The following SEMA3A variants were observed in gnomAD, a reference collection of about 807,000 sequenced individuals.
SEMA3A encodes semaphorin 3A.
A neutral mutation model predicts 97.9 loss-of-function variants in SEMA3A; 29 were observed. The observed-to-expected ratio is 0.30, with a 90% CI of 0.22 to 0.40. The LOEUF is 0.40. Among genes scored for constraint, SEMA3A ranks in the 10% least tolerant of loss-of-function variants. SEMA3A has a pLI of 1.00. For missense variants in SEMA3A, 763 were observed against 951.3 expected, an observed-to-expected ratio of 0.80 and a Z score of 2.60; for synonymous variants, 321 against 323.7, an observed-to-expected ratio of 0.99 and a Z score of 0.09.
chr7:84,475,773 C>G (rs1806266397), intron 1 of SEMA3A, among the ~76,000 whole-genome samples: 1 of 152,148 alleles, frequency 6.6e-6, no homozygotes, highest in Non-Finnish European at 1.5e-5. Context: ...CTTGTTTCTG[C>G]TTTCATCCCT....
rs565056283 is a variant in SEMA3A, at chr7:84,261,724, C to T, written c.-83+45483G>A. Among the ~76,000 whole-genome samples, 15 of 152,322 alleles carry T rather than the reference C, an allele frequency of 9.8e-5. No homozygotes were observed. In the East Asian group the frequency reaches 1.5e-3, roughly 16 times the overall value. On this transcript the variant is annotated intron_variant, in intron 3 of 3. Transcript: ENST00000424555. ...CACTCATGCACACCTTGCTGCTCTC[C>T]GCCTGGCTCGCCCTTGGCAGGCATG...
At chr7:84,014,162 G>A in intron 7 of SEMA3A, 47 bp downstream of exon 7, 2 of 1,560,696 alleles carry the variant, frequency 1.3e-6, no homozygotes, top group Non-Finnish European at 8.7e-7. Flanking sequence ...AAGCAAAGCT[G>A]TTATGGGAAA....
intron 3 of SEMA3A, among the ~76,000 whole-genome samples, chr7:84,230,817 C>T (rs1475192846): frequency 6.6e-6 from 1 of 151,618 alleles, no homozygotes; most frequent in African/African-American, 2.4e-5. Context: ...TTTTTAATGC[C>T]TTCTCTTTCT....
chr7:84,323,376 G>A (rs1801698178), intron 2 of SEMA3A, among the ~76,000 whole-genome samples: 3 of 152,020 alleles, frequency 2.0e-5, no homozygotes, highest in Middle Eastern at 6.8e-3. Context: ...CATGTTTTTT[G>A]TCACTAATCA....
intron 1 of SEMA3A, among the ~76,000 whole-genome samples, chr7:84,425,991 T>C (rs1160957856): frequency 1.3e-5 from 2 of 151,302 alleles, no homozygotes; most frequent in Non-Finnish European, 2.9e-5. Context: ...GAAAACTAAA[T>C]ACTGTAAATT....
chr7:84,244,627 A>G (rs577617925), intron 3 of SEMA3A, among the ~76,000 whole-genome samples: 1 of 152,236 alleles, frequency 6.6e-6, no homozygotes, highest in South Asian at 2.1e-4. Context: ...TAATCCTGTC[A>G]TCATTATGCT....
At chr7:84,471,083 G>T (rs1350903003) in intron 1 of SEMA3A, among the ~76,000 whole-genome samples, 2 of 152,022 alleles carry the variant, frequency 1.3e-5, no homozygotes. Context: ...AAAACTTTGA[G>T]GTTCATAACC....
At chr7:84,105,554 T>C (rs1397243287) in intron 4 of SEMA3A, among the ~76,000 whole-genome samples, 1 of 152,140 alleles carries the variant, frequency 6.6e-6, no homozygotes, top group Non-Finnish European at 1.5e-5. Flanking sequence ...ATGAGAGTAT[T>C]TATAGAGTTA....
chr7:84,006,564 A>G (rs1790678189), intron 10 of SEMA3A, among the ~76,000 whole-genome samples: 2 of 152,048 alleles, frequency 1.3e-5, no homozygotes, highest in South Asian at 4.1e-4. Context: ...TACAACAAAA[A>G]TGACAAATTA....
chr7:84,313,065 T>C (rs1314366780), intron 2 of SEMA3A, among the ~76,000 whole-genome samples: 2 of 144,618 alleles, frequency 1.4e-5, no homozygotes, highest in Admixed American at 1.4e-4. Flanking sequence ...ATGTATAATA[T>C]ATATACTATA....
At chr7:84,369,117 G>A (rs1229745806) in intron 2 of SEMA3A, among the ~76,000 whole-genome samples, 2 of 150,936 alleles carry the variant, frequency 1.3e-5, no homozygotes, top group Non-Finnish European at 3.0e-5. Context: ...TATAGAGATG[G>A]ACAGATAAAA....
Position 84,319,929 on chromosome 7 carries a change from T to A in SEMA3A, c.-168-12637A>T, listed in dbSNP as rs1801606430. Among the ~76,000 whole-genome samples, 2 of 152,188 alleles carry A rather than the reference T, an allele frequency of 1.3e-5. 1 individual carries two copies. The highest frequency in any genetic ancestry group is 4.1e-4 in the South Asian group (2 of 4,834). On this transcript the variant is annotated intron_variant, in intron 2 of 3. Transcript: ENST00000424555. ...ATATTTTATATTACGCATTTAAAAA[T>A]CACCATTCTAAGAAGTGGTTCAGAG...
At chr7:84,186,057 T>C (rs1329889141) in intron 1 of SEMA3A, among the ~76,000 whole-genome samples, 2 of 152,166 alleles carry the variant, frequency 1.3e-5, no homozygotes, top group East Asian at 3.9e-4. Context: ...CTCTAAGTCA[T>C]ATAAATTATT....
chr7:84,007,807 T>G (rs556050768), intron 9 of SEMA3A, among the ~76,000 whole-genome samples: 66 of 152,252 alleles, frequency 4.3e-4, no homozygotes, highest in African/African-American at 1.6e-3. Context: ...AAACTATAAA[T>G]GAATATGTAA....
intron 1 of SEMA3A, among the ~76,000 whole-genome samples, chr7:84,490,371 G>A (rs1806691812): frequency 6.6e-6 from 1 of 152,018 alleles, no homozygotes; most frequent in Non-Finnish European, 1.5e-5. Context: ...AGTTACGTGT[G>A]TATATTCACT....
chr7:84,426,340 A>G (rs566441552), intron 1 of SEMA3A, among the ~76,000 whole-genome samples: 1 of 152,210 alleles, frequency 6.6e-6, no homozygotes, highest in East Asian at 1.9e-4. Flanking sequence ...GCCTTGAAAG[A>G]AATAAAAATA....
At chr7:84,046,530 A>C in intron 5 of SEMA3A, 87 bp from the exon 6 acceptor site, 1 of 1,490,306 alleles carries the variant, frequency 6.7e-7, no homozygotes, top group Non-Finnish European at 9.3e-7. Flanking sequence ...TGCAAGTTTC[A>C]TGTTATGACC....
chr7:84,325,771 G>A (rs1562904416), intron 2 of SEMA3A, among the ~76,000 whole-genome samples: 1 of 152,006 alleles, frequency 6.6e-6, no homozygotes, highest in Non-Finnish European at 1.5e-5. Flanking sequence ...ATACAATGAT[G>A]TTATTCAATA....
At chr7:84,154,123 A>G (rs574573629) in intron 1 of SEMA3A, among the ~76,000 whole-genome samples, 47 of 152,196 alleles carry the variant, frequency 3.1e-4, no homozygotes, top group African/African-American at 1.1e-3. Context: ...ATGTCTCTCA[A>G]CTTTGTATGA....
Sources: gnomAD v4.1 joint callset for allele counts (sites outside exome capture counted in the v4.1 genomes callset) on GRCh38, gnomAD v4.1.1 for gene constraint, MANE v1.5 for transcripts, NCBI Gene and HGNC (gene_info 2026-07-23, HGNC 2026-07-21) for gene names.